The following COLEC12 variants were observed in gnomAD, a reference collection of about 807,000 sequenced individuals.
COLEC12 encodes collectin-12.
In COLEC12, 33 loss-of-function variants were observed where a neutral mutation model predicts 71.1. That is an observed-to-expected ratio of 0.46 (90% CI 0.35 to 0.62). The LOEUF is 0.62. Among genes scored for constraint, COLEC12 ranks in the 20% least tolerant of loss-of-function variants. COLEC12 has a pLI of 0.00. For synonymous variants in COLEC12, 350 were observed against 353.0 expected (o/e 0.99, Z 0.10); for missense variants, 765 against 916.1 (o/e 0.84, Z 2.13).
At chr18:440,378 TACACACAC>T (rs142637035) in intron 2 of COLEC12, among the ~76,000 whole-genome samples, 3 of 121,336 alleles carry the variant, frequency 2.5e-5, no homozygotes, top group Admixed American at 1.6e-4. Context: ...CACACACACA[TACACACAC>T]ACACACACAC....
At chr18:383,169 C>T (rs1430648268) in intron 2 of COLEC12, among the ~76,000 whole-genome samples, 1 of 152,136 alleles carries the variant, frequency 6.6e-6, no homozygotes, top group Non-Finnish European at 1.5e-5. Flanking sequence ...CCCATATCCT[C>T]TCATTTGGGC....
chr18:387,589 C>T (rs1441525520), intron 2 of COLEC12, among the ~76,000 whole-genome samples: 1 of 152,070 alleles, frequency 6.6e-6, no homozygotes, highest in Non-Finnish European at 1.5e-5. Flanking sequence ...AATCCTTCTG[C>T]GATGATTTCT....
intron 2 of COLEC12, among the ~76,000 whole-genome samples, chr18:389,325 T>G (rs916209612): frequency 1.3e-5 from 2 of 148,696 alleles, no homozygotes; most frequent in African/African-American, 5.0e-5. Flanking sequence ...ACGATCTAGG[T>G]TCACTGCAAG....
intron 2 of COLEC12, among the ~76,000 whole-genome samples, chr18:391,272 C>T (rs919461994): frequency 6.6e-6 from 1 of 152,138 alleles, no homozygotes; most frequent in Non-Finnish European, 1.5e-5. Flanking sequence ...GGAGTGTGTG[C>T]AGGTGCCAAC....
At chr18:492,075 A>G (rs1917629476) in intron 1 of COLEC12, among the ~76,000 whole-genome samples, 1 of 152,218 alleles carries the variant, frequency 6.6e-6, no homozygotes, top group African/African-American at 2.4e-5. Context: ...AAATGGATGA[A>G]GGAATCTGTA....
chr18:347,725 A>G (rs1914416644), intron 4 of COLEC12, among the ~76,000 whole-genome samples: 1 of 152,220 alleles, frequency 6.6e-6, no homozygotes, highest in Non-Finnish European at 1.5e-5. Flanking sequence ...CTTAATTTCT[A>G]CAATTCTATG....
chr18:385,375 C>A (rs1442620588), intron 2 of COLEC12, among the ~76,000 whole-genome samples: 2 of 135,186 alleles, frequency 1.5e-5, no homozygotes, highest in Non-Finnish European at 3.0e-5. Flanking sequence ...CCCAGGCTGG[C>A]GTTCAGTGGT....
intron 2 of COLEC12, among the ~76,000 whole-genome samples, chr18:414,681 T>G (rs1035802443): frequency 3.9e-5 from 6 of 152,148 alleles, no homozygotes; most frequent in Non-Finnish European, 5.9e-5. Context: ...GAAGAGCCCT[T>G]AATTATCAGT....
intron 2 of COLEC12, among the ~76,000 whole-genome samples, chr18:401,205 T>C (rs1915679263): frequency 6.6e-6 from 1 of 152,250 alleles, no homozygotes; most frequent in Admixed American, 6.5e-5. Context: ...TTCTTTTTGG[T>C]ACTATCTGCA....
chr18:487,024 T>C (rs1917531847), intron 1 of COLEC12, among the ~76,000 whole-genome samples: 1 of 152,218 alleles, frequency 6.6e-6, no homozygotes, highest in Non-Finnish European at 1.5e-5. Flanking sequence ...ACCTGAATGT[T>C]TGTAGCAGCA....
intron 2 of COLEC12, among the ~76,000 whole-genome samples, chr18:423,453 G>C (rs959358859): frequency 6.6e-6 from 1 of 151,756 alleles, no homozygotes; most frequent in East Asian, 1.9e-4. Context: ...TAACAAAATA[G>C]CCTCAAAAAT....
chr18:481,032 C>G (rs537666454), intron 1 of COLEC12, among the ~76,000 whole-genome samples: 1 of 152,258 alleles, frequency 6.6e-6, no homozygotes, highest in African/African-American at 2.4e-5. Context: ...GACCACCCGG[C>G]CACTCCCTGC....
chr18:338,234 T>C (rs1914162872), intron 5 of COLEC12, among the ~76,000 whole-genome samples: 1 of 152,248 alleles, frequency 6.6e-6, no homozygotes, highest in Non-Finnish European at 1.5e-5. Flanking sequence ...TTCTCTAATC[T>C]TTTAGTCCTT....
At chr18:444,494 C>T (rs114416165) in intron 2 of COLEC12, among the ~76,000 whole-genome samples, 1,608 of 152,164 alleles carry the variant, frequency 0.011, 29 homozygotes, top group African/African-American at 0.037. Context: ...AATACAAGCC[C>T]ATATTCACAT....
In COLEC12 at chr18:318,182, G is replaced by T. The variant is rs1139281; in HGVS notation, c.*1863C>A. The T allele has an allele frequency of 2.6e-5, 4 of 151,192 alleles. No individual in the cohort carries two copies. The highest frequency in any genetic ancestry group is 9.7e-5 in the African/African-American group (4 of 41,098). 9.4% of individuals were successfully genotyped at this position (151,192 alleles called of 1,614,324 possible). ...TTTTTAGTAGAGACGGGGTTTCACC[G>T]TGTTAGCCAGGATGGTCTCGATCTC... is the stretch of plus-strand genomic sequence containing the variant. On this transcript the variant is annotated 3_prime_UTR_variant, in exon 10 of 10. Transcript: ENST00000400256.
chr18:360,178 C>CT (rs778619867), intron 2 of COLEC12, among the ~76,000 whole-genome samples: 15,832 of 141,564 alleles, frequency 0.11, 1,080 homozygotes, highest in African/African-American at 0.19. Context: ...ATTTGGATTT[C>CT]TTTTTTTTTT....
chr18:371,018 C>G (rs1250612633), intron 2 of COLEC12, among the ~76,000 whole-genome samples: 1 of 152,218 alleles, frequency 6.6e-6, no homozygotes, highest in Non-Finnish European at 1.5e-5. Context: ...CTGGACTTCA[C>G]AGCCCTCACT....
chr18:409,445 A>C, intron 2 of COLEC12, among the ~76,000 whole-genome samples: 1 of 152,150 alleles, frequency 6.6e-6, no homozygotes, highest in East Asian at 1.9e-4. Flanking sequence ...GAGGCAGGAG[A>C]ATCCACGAGG....
intron 7 of COLEC12, among the ~76,000 whole-genome samples, chr18:332,770 G>A (rs775921568): frequency 6.6e-6 from 1 of 152,164 alleles, no homozygotes; most frequent in Non-Finnish European, 1.5e-5. Context: ...ACCAGAAGGA[G>A]CCACACATCT....
Sources: allele counts gnomAD v4.1 joint callset (sites outside exome capture counted in the v4.1 genomes callset), GRCh38; gene constraint gnomAD v4.1.1; transcripts MANE v1.5; gene names NCBI Gene and HGNC (gene_info 2026-07-23, HGNC 2026-07-21).